Variants in DENND2B observed in about 807,000 individuals in gnomAD.
The protein encoded by DENND2B is DENN domain containing 2B.
DENND2B carries 32 observed loss-of-function variants against 116.0 expected under a neutral mutation model. The ratio of observed to expected loss-of-function variants is 0.28; its 90% CI spans 0.21 to 0.37. The LOEUF (loss-of-function observed/expected upper bound fraction) is 0.37, where lower values mean the gene tolerates loss of function less well. DENND2B is among the 10% of genes least tolerant of loss of function. The pLI, the probability that DENND2B is intolerant of heterozygous loss-of-function variation, is 1.00. For missense variants in DENND2B, 1,276 were observed against 1,477.7 expected (o/e 0.86, Z 2.24); for synonymous variants, 588 against 583.9 (o/e 1.01, Z -0.10).
chr11:8,706,758 C>A lies in DENND2B; in HGVS notation c.2571+327G>T, dbSNP rs181221326. 2.7e-4 allele frequency among the ~76,000 whole-genome samples: 41 copies of A among 152,346 alleles called. No individual in the cohort carries two copies. The East Asian group carries it at 6.6e-3, about 24-fold the overall frequency. On this transcript the variant is annotated intron_variant, in intron 13 of 19. Coordinates refer to ENST00000313726, the MANE Select transcript of DENND2B (RefSeq NM_213618.2). ...ATGAGGACAGAGCCACGTCCCTCTA[C>A]CTCTGACTCTGCTCTGAGGTCTGGC... is the stretch of plus-strand genomic sequence containing the variant.
At chr11:8,826,463 G>C (rs1196108322) in intron 4 of DENND2B, among the ~76,000 whole-genome samples, 1 of 152,324 alleles carries the variant, frequency 6.6e-6, no homozygotes, top group African/African-American at 2.4e-5. Context: ...CGAAACATTA[G>C]ATGGTAGGAA....
At chr11:8,894,268 A>C (rs1229640135) in intron 1 of DENND2B, among the ~76,000 whole-genome samples, 1 of 152,206 alleles carries the variant, frequency 6.6e-6, no homozygotes, top group African/African-American at 2.4e-5. Context: ...TAAAGACTTA[A>C]ATGTTCGACC....
chr11:8,741,359 G>A (rs2050173430), intron 2 of DENND2B, among the ~76,000 whole-genome samples: 1 of 152,236 alleles, frequency 6.6e-6, no homozygotes, highest in African/African-American at 2.4e-5. Context: ...CTAAGGAGCA[G>A]TGGCAAGTGA....
chr11:8,719,166 C>T, intron 4 of DENND2B: 1 of 985,648 alleles, frequency 1.0e-6, no homozygotes, highest in South Asian at 4.7e-5. Flanking sequence ...GGACGAGGAA[C>T]AAAGGCTGCT....
upstream of DENND2B, among the ~76,000 whole-genome samples, chr11:8,874,307 A>G (rs1218503347): frequency 6.6e-6 from 1 of 152,222 alleles, no homozygotes. Flanking sequence ...CTGGCAACAC[A>G]TCTTGTAGCT....
At chr11:8,781,208 T>A (rs866501562) in intron 1 of DENND2B, among the ~76,000 whole-genome samples, 1 of 152,058 alleles carries the variant, frequency 6.6e-6, no homozygotes, top group Non-Finnish European at 1.5e-5. Flanking sequence ...AAAGAGGACA[T>A]ATGAAGAAGG....
At chr11:8,861,439 T>G (rs996818040) in intron 2 of DENND2B, among the ~76,000 whole-genome samples, 11 of 152,062 alleles carry the variant, frequency 7.2e-5, no homozygotes, top group Admixed American at 6.5e-4. Flanking sequence ...ATGCTCAACA[T>G]AACAAATCAT....
intron 1 of DENND2B, chr11:8,774,027 G>A (rs1466179866): frequency 1.5e-5 from 13 of 851,316 alleles, no homozygotes; most frequent in Non-Finnish European, 1.8e-5. Flanking sequence ...CCCTCTGTAA[G>A]CTTCAGTTTT....
intron 2 of DENND2B, among the ~76,000 whole-genome samples, chr11:8,743,905 C>A (rs1331657342): frequency 1.1e-4 from 16 of 151,806 alleles, no homozygotes; most frequent in African/African-American, 3.1e-4. Flanking sequence ...CACTACCATG[C>A]CTGATTAATT....
At chr11:8,779,131 A>G (rs1029599978) in intron 1 of DENND2B, among the ~76,000 whole-genome samples, 17 of 152,258 alleles carry the variant, frequency 1.1e-4, no homozygotes, top group Admixed American at 1.1e-3. Flanking sequence ...TGTGGGACAC[A>G]AACTAGAAAG....
chr11:8,824,990 C>T (rs150252142), intron 4 of DENND2B, among the ~76,000 whole-genome samples: 8 of 152,148 alleles, frequency 5.3e-5, no homozygotes, highest in African/African-American at 1.9e-4. Context: ...TGAGCCACTG[C>T]ACCCAGCATC....
chr11:8,791,064 C>T (rs1453123878), intron 1 of DENND2B, among the ~76,000 whole-genome samples: 1 of 152,184 alleles, frequency 6.6e-6, no homozygotes, highest in Non-Finnish European at 1.5e-5. Context: ...AAAGCAGCTC[C>T]ATTTCCTCAC....
At chr11:8,718,578 T>C (rs2045542356) in intron 4 of DENND2B, 4 of 1,370,316 alleles carry the variant, frequency 2.9e-6, no homozygotes, top group Non-Finnish European at 3.8e-6. Flanking sequence ...CCTCTACCGC[T>C]GATCTCAGCA....
chr11:8,784,786 C>A (rs936769767), intron 1 of DENND2B, among the ~76,000 whole-genome samples: 3 of 150,528 alleles, frequency 2.0e-5, no homozygotes, highest in Admixed American at 2.0e-4. Context: ...TGCAGTGAGC[C>A]GAGATTGTGC....
At chr11:8,879,362 A>G (rs1463279833) in intron 2 of DENND2B, among the ~76,000 whole-genome samples, 1 of 152,230 alleles carries the variant, frequency 6.6e-6, no homozygotes, top group African/African-American at 2.4e-5. Context: ...TGTATGAAAT[A>G]TCCTCATTGT....
intron 2 of DENND2B, among the ~76,000 whole-genome samples, chr11:8,865,120 T>C (rs1468131630): frequency 8.6e-6 from 1 of 116,038 alleles, no homozygotes; most frequent in African/African-American, 2.8e-5. Context: ...ATTATTTCTA[T>C]CATATTTGCA....
intron 1 of DENND2B, among the ~76,000 whole-genome samples, chr11:8,769,424 C>G (rs945088615): frequency 6.6e-6 from 1 of 151,708 alleles, no homozygotes; most frequent in East Asian, 1.9e-4. Context: ...CACTCCCAGA[C>G]AATTTTTGTA....
At chr11:8,724,877 T>A (rs2046826941) in intron 4 of DENND2B, among the ~76,000 whole-genome samples, 1 of 152,290 alleles carries the variant, frequency 6.6e-6, no homozygotes, top group East Asian at 1.9e-4. Flanking sequence ...TTGCCAGCAG[T>A]CTCTGAAAAG....
intron 3 of DENND2B, among the ~76,000 whole-genome samples, chr11:8,856,560 T>G (rs779705128): frequency 9.2e-5 from 14 of 151,988 alleles, no homozygotes; most frequent in Non-Finnish European, 1.3e-4. Flanking sequence ...GGAGACAGGT[T>G]TTACTTCCAC....
Sources: allele counts gnomAD v4.1 joint callset (sites outside exome capture counted in the v4.1 genomes callset), GRCh38; gene constraint gnomAD v4.1.1; transcripts MANE v1.5; gene names NCBI Gene and HGNC (gene_info 2026-07-23, HGNC 2026-07-21).